COL23A1: variants seen among roughly 807,000 people sequenced by gnomAD.
COL23A1 encodes collagen type XXIII alpha 1 chain.
A neutral mutation model predicts 99.3 loss-of-function variants in COL23A1; 97 were observed. That is an observed-to-expected ratio of 0.98 (90% confidence interval 0.83 to 1.16). The LOEUF is 1.16. Among genes scored for constraint, COL23A1 ranks in the 50% most tolerant of loss-of-function variants. The pLI, the probability that COL23A1 is intolerant of heterozygous loss-of-function variation, is 0.00. For missense variants in COL23A1, 762 were observed against 757.4 expected (o/e 1.01, Z -0.07); for synonymous variants, 320 against 308.2 (o/e 1.04, Z -0.40).
chr5:178,346,149 G>A (rs1050930084), intron 2 of COL23A1, among the ~76,000 whole-genome samples: 10 of 151,028 alleles, frequency 6.6e-5, no homozygotes, highest in African/African-American at 1.2e-4. Context: ...AAAAAAAATC[G>A]CTGTAAATTG....
At chr5:178,563,862 A>G (rs1762725397) in intron 1 of COL23A1, among the ~76,000 whole-genome samples, 2 of 152,150 alleles carry the variant, frequency 1.3e-5, no homozygotes, top group South Asian at 2.1e-4. Context: ...TTGTATTCGC[A>G]GATATTAAGG....
chr5:178,299,245 G>T lies in COL23A1; in HGVS notation c.406+7630C>A, dbSNP rs536642669. ...GATTGTTATTAATTCTTCTTTAAGT[G>T]TTTGTTAGAATTCATCAGTGAAGCC... On this transcript the variant is annotated intron_variant, in intron 3 of 28. Transcript: ENST00000390654. 7.9e-5 allele frequency among the ~76,000 whole-genome samples: 12 copies of T among 152,276 alleles called. No homozygotes were observed. In the East Asian group the frequency reaches 2.3e-3, roughly 29 times the overall value.
chr5:178,274,273 A>T (rs1756458319), intron 5 of COL23A1, among the ~76,000 whole-genome samples: 3 of 152,224 alleles, frequency 2.0e-5, no homozygotes, highest in Admixed American at 1.3e-4. Flanking sequence ...GGCTGTGCAG[A>T]CCATCTACAA....
intron 2 of COL23A1, among the ~76,000 whole-genome samples, chr5:178,355,123 T>C (rs1561891778): frequency 6.6e-6 from 1 of 152,032 alleles, no homozygotes; most frequent in Non-Finnish European, 1.5e-5. Flanking sequence ...TTACATCATA[T>C]TAGGCATTAT....
At position 178,434,595 on chromosome 5, in the gene COL23A1, G is replaced by A. The variant is rs867819868; in HGVS notation, c.361+126087C>T. ...CACTGGCGCTCTTCCTGGGACCCCA[G>A]CTGGGCGCCTGGCCTTGCATCCCAG... On this transcript the variant is annotated intron_variant, in intron 2 of 28. Coordinates refer to ENST00000390654, the MANE Select transcript of COL23A1 (RefSeq NM_173465.4). The surrounding 1 kb of genome is among the most constrained non-coding windows in gnomAD (Gnocchi z 4.3). 7.2e-5 allele frequency among the ~76,000 whole-genome samples: 11 copies of A among 152,256 alleles called. No individual in the cohort carries two copies. Among genetic ancestry groups the A allele is most frequent in the Non-Finnish European group, 1.5e-5 (1 of 68,042 alleles).
Position 178,498,230 on chromosome 5 carries a change from ATATATATATATATATATATATATAT to A in COL23A1, c.361+62427_361+62451del, listed in dbSNP as rs1562025509. Among the ~76,000 whole-genome samples, 237 of 72,892 alleles carry A rather than the reference ATATATATATATATATATATATATAT, an allele frequency of 3.3e-3. 12 individuals carry two copies. The highest frequency in any genetic ancestry group is 0.011 in the African/African-American group (193 of 18,048). The allele number at this position is 72,892 out of a possible 152,430, so 47.8% of individuals were successfully genotyped here. On this transcript the variant is annotated intron_variant, in intron 2 of 28. Transcript: ENST00000390654. ...AATATATATATATATATATATATATATATATATATATATATATATATATATATAAAAGAACTTAAAAATAAAAAAA... is the reference window on the plus strand; with the variant it reads ...AATATATATATATATATATATATATAATAAAAGAACTTAAAAATAAAAAAA...
intron 25 of COL23A1, among the ~76,000 whole-genome samples, chr5:178,244,271 G>T (rs1441221888): frequency 6.6e-6 from 1 of 152,044 alleles, no homozygotes; most frequent in African/African-American, 2.4e-5. Context: ...TTACAGGTGT[G>T]AGCCACCGTG....
intron 5 of COL23A1, among the ~76,000 whole-genome samples, chr5:178,272,717 T>C (rs1460899701): frequency 6.6e-6 from 1 of 152,106 alleles, no homozygotes; most frequent in African/African-American, 2.4e-5. Flanking sequence ...CCCTCGGTAG[T>C]ACACTAAATT....
intron 2 of COL23A1, among the ~76,000 whole-genome samples, chr5:178,359,143 C>T (rs1366690219): frequency 1.1e-4 from 16 of 152,184 alleles, no homozygotes; most frequent in Non-Finnish European, 1.5e-5. Flanking sequence ...AGTAAATATT[C>T]ATGCAACCCT....
rs149635244 is a variant in COL23A1 at position 178,341,798 on chromosome 5, C to T, written c.362-34879G>A. On this transcript the variant is annotated intron_variant, in intron 2 of 28. Coordinates refer to ENST00000390654, the MANE Select transcript of COL23A1 (RefSeq NM_173465.4). ...GTTGCTCCAGCAGCAGCCGGCACCCCGCCCGCCTCAGGACCTGACCCTTGG... is the reference window on the plus strand; with the variant it reads ...GTTGCTCCAGCAGCAGCCGGCACCCTGCCCGCCTCAGGACCTGACCCTTGG... Among the ~76,000 whole-genome samples the T allele has an allele frequency of 1.8e-4, 28 of 152,280 alleles. No homozygotes were observed. In the East Asian group the frequency reaches 2.9e-3, roughly 16 times the overall value.
chr5:178,433,328 T>C (rs1766366775), intron 2 of COL23A1, among the ~76,000 whole-genome samples: 4 of 152,032 alleles, frequency 2.6e-5, no homozygotes, highest in Admixed American at 2.6e-4. Context: ...TTAGAAAGAA[T>C]ACAAATGAAC....
intron 2 of COL23A1, among the ~76,000 whole-genome samples, chr5:178,412,341 T>C (rs1485483491): frequency 1.3e-5 from 2 of 152,248 alleles, no homozygotes; most frequent in African/African-American, 2.4e-5. Context: ...TTGTGGCTAC[T>C]TTCCTCAAAA....
At chr5:178,528,911 G>A (rs1228665934) in intron 2 of COL23A1, among the ~76,000 whole-genome samples, 2 of 152,206 alleles carry the variant, frequency 1.3e-5, no homozygotes. Flanking sequence ...AGAGTTCTTG[G>A]CAGCTGTCTT....
rs1237071533 is a variant in COL23A1, at chr5:178,428,678, G to C, written c.362-121759C>G. On this transcript the variant is annotated intron_variant, in intron 2 of 28. Transcript: ENST00000390654. The surrounding 1 kb of genome is among the most constrained non-coding windows in gnomAD (Gnocchi z 5.0). ...CGCCCGGATTGTGTGCTGGGGCTGGGCTGGGGACAGGATGTTTTCTGCTTC... is the reference window on the plus strand; with the variant it reads ...CGCCCGGATTGTGTGCTGGGGCTGGCCTGGGGACAGGATGTTTTCTGCTTC... Among the ~76,000 whole-genome samples the C allele has an allele frequency of 6.6e-6, 1 of 152,236 alleles. No individual in the cohort carries two copies. Among genetic ancestry groups the C allele is most frequent in the Non-Finnish European group, 1.5e-5 (1 of 68,046 alleles).
At chr5:178,267,266 A>T (rs1057444259) in intron 8 of COL23A1, 41 bp downstream of exon 8, 1 of 1,611,464 alleles carries the variant, frequency 6.2e-7, no homozygotes, top group Non-Finnish European at 8.5e-7. Flanking sequence ...TACACAAAAC[A>T]AACCATGTGG....
chr5:178,469,327 G>A (rs1352076116), intron 2 of COL23A1, among the ~76,000 whole-genome samples: 4 of 152,140 alleles, frequency 2.6e-5, no homozygotes, highest in Non-Finnish European at 5.9e-5. Context: ...GGGACACTGC[G>A]CAGTGAGCAG....
chr5:178,364,685 A>G (rs1025687506), intron 2 of COL23A1, among the ~76,000 whole-genome samples: 1 of 152,136 alleles, frequency 6.6e-6, no homozygotes, highest in Non-Finnish European at 1.5e-5. Flanking sequence ...TGATTAGCAG[A>G]ATCACCCGGA....
At chr5:178,458,779 T>C (rs1011205546) in intron 2 of COL23A1, among the ~76,000 whole-genome samples, 3 of 152,176 alleles carry the variant, frequency 2.0e-5, no homozygotes, top group African/African-American at 7.2e-5. Context: ...TCAACAGCAG[T>C]GAACGTCACA....
intron 2 of COL23A1, among the ~76,000 whole-genome samples, chr5:178,367,116 C>G (rs1333372016): frequency 6.6e-6 from 1 of 152,208 alleles, no homozygotes; most frequent in Admixed American, 6.5e-5. Flanking sequence ...GCGGTCACGT[C>G]AGACATTTCC....
Sources: allele counts gnomAD v4.1 joint callset (sites outside exome capture counted in the v4.1 genomes callset), GRCh38; gene constraint gnomAD v4.1.1; non-coding constraint Gnocchi (gnomAD v3.1); transcripts MANE v1.5; gene names NCBI Gene and HGNC (gene_info 2026-07-23, HGNC 2026-07-21).